Variants in THSD7B observed in about 807,000 individuals in gnomAD.
The protein encoded by THSD7B is thrombospondin type-1 domain-containing protein 7B.
A neutral mutation model predicts 213.6 loss-of-function variants in THSD7B; 138 were observed. That is an observed-to-expected ratio of 0.65 (90% CI 0.56 to 0.74). THSD7B has a LOEUF of 0.74. THSD7B is among the 30% of genes least tolerant of loss of function. The pLI is 0.00. For missense variants in THSD7B, 1,931 were observed against 1,991.5 expected, an observed-to-expected ratio of 0.97 and a Z score of 0.58; for synonymous variants, 742 against 687.0, an observed-to-expected ratio of 1.08 and a Z score of -1.25.
chr2:137,171,747 A>G (rs1367197228), intron 7 of THSD7B, among the ~76,000 whole-genome samples: 1 of 152,236 alleles, frequency 6.6e-6, no homozygotes, highest in Non-Finnish European at 1.5e-5. Context: ...AACAGAAGTA[A>G]ATCACAAAAT....
chr2:137,568,481 A>C (rs1681286157), intron 16 of THSD7B, among the ~76,000 whole-genome samples: 1 of 152,200 alleles, frequency 6.6e-6, no homozygotes, highest in African/African-American at 2.4e-5. Flanking sequence ...CCAGTGTATT[A>C]GTCTATTTTC....
At chr2:137,452,002 A>G (rs1687661291) in intron 15 of THSD7B, 1 of 904,150 alleles carries the variant, frequency 1.1e-6, no homozygotes, top group Non-Finnish European at 1.3e-6. Flanking sequence ...AAAATCTCAT[A>G]TGTCCTTTCT....
At chr2:137,365,740 A>G (rs1685392441) in intron 12 of THSD7B, among the ~76,000 whole-genome samples, 1 of 152,224 alleles carries the variant, frequency 6.6e-6, no homozygotes, top group Non-Finnish European at 1.5e-5. Context: ...GTCAGGAAAC[A>G]ACAGATGCTG....
chr2:136,882,256 C>T lies in THSD7B; in HGVS notation c.78C>T (p.Leu26=), dbSNP rs1022035166. Residue 26 remains leucine (L), a synonymous_variant, in exon 2 of 28, where the codon CTC becomes CTT. Transcript: ENST00000409968. ...GGAAGCTCTTTCTATTGCTTTCTCTCTTGCTGTCCCATGCAGCTCATTTGG... is the reference window on the plus strand; with the variant it reads ...GGAAGCTCTTTCTATTGCTTTCTCTTTTGCTGTCCCATGCAGCTCATTTGG... ...SMRKLFLLLS[L]LLSHAAHLEG... 6.5e-7 allele frequency: 1 copy of T among 1,545,404 alleles called. No individual in the cohort carries two copies. Among genetic ancestry groups the T allele is most frequent in the East Asian group, 2.5e-5 (1 of 40,494 alleles).
At chr2:136,972,006 G>A (rs2104800334) in intron 2 of THSD7B, among the ~76,000 whole-genome samples, 1 of 152,214 alleles carries the variant, frequency 6.6e-6, no homozygotes, top group East Asian at 1.9e-4. Context: ...GAAAGCAAAT[G>A]TACTCTTCTG....
At chr2:136,951,220 G>T (rs1234673439) in intron 2 of THSD7B, among the ~76,000 whole-genome samples, 1 of 152,010 alleles carries the variant, frequency 6.6e-6, no homozygotes, top group Non-Finnish European at 1.5e-5. Flanking sequence ...TTGAGAGATA[G>T]CTTTATTGAG....
intron 2 of THSD7B, among the ~76,000 whole-genome samples, chr2:137,051,376 G>A (rs1437359635): frequency 6.6e-6 from 1 of 152,160 alleles, no homozygotes; most frequent in African/African-American, 2.4e-5. Context: ...TGGGTTCTTA[G>A]ATGCATTTTA....
rs371227441 is a variant in THSD7B at position 136,782,848 on chromosome 2, C to T, written c.-36+17161C>T. Among the ~76,000 whole-genome samples the T allele has an allele frequency of 7.2e-5, 11 of 152,066 alleles. No homozygotes were observed. In the East Asian group the frequency reaches 1.9e-3, roughly 27 times the overall value. ...AACCATTCCACAGTGTGTATATATA[C>T]TTCAAAGCATCATGTTGTACATGAT... On this transcript the variant is annotated intron_variant, in intron 1 of 27. Coordinates refer to ENST00000409968, the MANE Select transcript of THSD7B (RefSeq NM_001316349.2).
chr2:137,436,485 C>T (rs956009721), intron 14 of THSD7B, among the ~76,000 whole-genome samples: 1 of 152,136 alleles, frequency 6.6e-6, no homozygotes, highest in Non-Finnish European at 1.5e-5. Flanking sequence ...GTATTAACTG[C>T]CTCTGTTCCT....
At chr2:136,863,997 G>C (rs1353208978) in intron 1 of THSD7B, among the ~76,000 whole-genome samples, 2 of 152,152 alleles carry the variant, frequency 1.3e-5, no homozygotes, top group Non-Finnish European at 2.9e-5. Context: ...TAAGCTTTGT[G>C]CTGCATGACG....
chr2:137,486,646 A>G (rs1011468715), intron 15 of THSD7B, among the ~76,000 whole-genome samples: 15 of 151,570 alleles, frequency 9.9e-5, no homozygotes, highest in African/African-American at 3.6e-4. Context: ...AGCGGACCTA[A>G]TAGACATCTA....
intron 2 of THSD7B, among the ~76,000 whole-genome samples, chr2:136,940,773 ATAT>A (rs1223972352): frequency 6.8e-6 from 1 of 148,088 alleles, no homozygotes; most frequent in East Asian, 2.0e-4. Flanking sequence ...TAGGAGGAAA[ATAT>A]TATTTCACTA....
At chr2:137,060,458 C>T (rs549577251) in intron 3 of THSD7B, among the ~76,000 whole-genome samples, 1 of 151,166 alleles carries the variant, frequency 6.6e-6, no homozygotes, top group South Asian at 2.1e-4. Flanking sequence ...CAATTTTTCT[C>T]TTATATTTTC....
chr2:136,787,230 T>A (rs951841687), intron 1 of THSD7B, among the ~76,000 whole-genome samples: 3 of 150,034 alleles, frequency 2.0e-5, no homozygotes, highest in African/African-American at 7.3e-5. Flanking sequence ...TGAAGTTGGA[T>A]GATTCTTTTT....
Position 136,787,123 on chromosome 2 carries a change from G to A in THSD7B, c.-36+21436G>A, listed in dbSNP as rs189034885. Reference sequence around the variant, plus strand: ...TTTGTTTCCAGGATGAGTGTAAGGAGGAGAGTCAAAATTTAGAAAATGATG... The same window carrying A: ...TTTGTTTCCAGGATGAGTGTAAGGAAGAGAGTCAAAATTTAGAAAATGATG... On this transcript the variant is annotated intron_variant, in intron 1 of 27. Transcript: ENST00000409968. Among the ~76,000 whole-genome samples, 366 of 152,138 alleles carry A rather than the reference G, an allele frequency of 2.4e-3. 1 individual carries two copies. Among genetic ancestry groups the A allele is most frequent in the African/African-American group, 8.6e-3 (355 of 41,496 alleles).
At chr2:136,961,693 T>A (rs1288322902) in intron 2 of THSD7B, among the ~76,000 whole-genome samples, 2 of 152,190 alleles carry the variant, frequency 1.3e-5, no homozygotes, top group Non-Finnish European at 2.9e-5. Flanking sequence ...TTGAAGAAGA[T>A]AAACTATCAT....
At chr2:137,418,032 A>C (rs1158229469) in intron 14 of THSD7B, among the ~76,000 whole-genome samples, 1 of 152,194 alleles carries the variant, frequency 6.6e-6, no homozygotes, top group East Asian at 1.9e-4. Flanking sequence ...GGAGATTTGC[A>C]TTGACAAGAT....
chr2:137,556,313 A>G (rs2105214001), intron 15 of THSD7B, among the ~76,000 whole-genome samples: 1 of 152,194 alleles, frequency 6.6e-6, no homozygotes, highest in East Asian at 1.9e-4. Flanking sequence ...TTACCCACAA[A>G]GGGAAGCCCA....
intron 2 of THSD7B, among the ~76,000 whole-genome samples, chr2:136,991,633 G>A (rs1685786167): frequency 6.6e-6 from 1 of 152,086 alleles, no homozygotes; most frequent in Non-Finnish European, 1.5e-5. Context: ...GGTAAATTGA[G>A]TGTAGTGCAT....
Sources: allele counts gnomAD v4.1 joint callset (sites outside exome capture counted in the v4.1 genomes callset), GRCh38; gene constraint gnomAD v4.1.1; transcripts MANE v1.5; gene names NCBI Gene and HGNC (gene_info 2026-07-23, HGNC 2026-07-21).